IMPG1: variants seen among roughly 807,000 people sequenced by gnomAD.
IMPG1 encodes the protein interphotoreceptor matrix proteoglycan 1.
Under a neutral mutation model 92.0 loss-of-function variants are expected in IMPG1, and 85 were observed. The ratio of observed to expected loss-of-function variants is 0.92; its 90% confidence interval spans 0.78 to 1.11. The LOEUF (loss-of-function observed/expected upper bound fraction) is 1.11. Among genes scored for constraint, IMPG1 ranks in the 50% least tolerant of loss-of-function variants. IMPG1 has a pLI of 0.00. For missense variants in IMPG1, 1,022 were observed against 956.0 expected (o/e 1.07, Z -0.91); for synonymous variants, 367 against 334.1 (o/e 1.10, Z -1.08).
intron 12 of IMPG1, among the ~76,000 whole-genome samples, chr6:75,972,386 G>A (rs1394321950): frequency 1.4e-5 from 2 of 142,522 alleles, no homozygotes; most frequent in African/African-American, 2.6e-5. Context: ...GAACACCCAC[G>A]CCCACCCACC....
chr6:75,934,689 G>T (rs1463888086), intron 14 of IMPG1, among the ~76,000 whole-genome samples: 1 of 152,044 alleles, frequency 6.6e-6, no homozygotes, highest in Non-Finnish European at 1.5e-5. Flanking sequence ...GGTCCCAAGT[G>T]CACTCATGTT....
At chr6:75,935,191 C>A in intron 14 of IMPG1, 1 of 370,536 alleles carries the variant, frequency 2.7e-6, no homozygotes, top group Non-Finnish European at 5.5e-6. Context: ...CTGTGCCTTG[C>A]GCGTTGGTGG....
chr6:76,058,542 C>G (rs1933484), intron 1 of IMPG1, among the ~76,000 whole-genome samples: 1 of 152,202 alleles, frequency 6.6e-6, no homozygotes, highest in South Asian at 2.1e-4. Flanking sequence ...AACAATTTGC[C>G]AACGTAACAA....
At chr6:75,984,440 T>C (rs189262152) in intron 12 of IMPG1, among the ~76,000 whole-genome samples, 1 of 152,204 alleles carries the variant, frequency 6.6e-6, no homozygotes, top group African/African-American at 2.4e-5. Context: ...AAGGACATTA[T>C]GTTAAGGGAA....
chr6:76,071,397 A>G (rs1182925961), intron 1 of IMPG1, among the ~76,000 whole-genome samples: 1 of 150,830 alleles, frequency 6.6e-6, no homozygotes, highest in Non-Finnish European at 1.5e-5. Flanking sequence ...AAATGATTTT[A>G]TAAATGTAAA....
At chr6:76,051,814 A>AT (rs994424435) in intron 1 of IMPG1, among the ~76,000 whole-genome samples, 2 of 152,036 alleles carry the variant, frequency 1.3e-5, no homozygotes, top group African/African-American at 2.4e-5. Context: ...TGGTTGCATT[A>AT]TTTTTTCTCT....
At position 75,947,497 on chromosome 6, in the gene IMPG1, T is replaced by G. The variant is rs181256434; in HGVS notation, c.1861A>C (p.Lys621Gln). 4 of 1,613,738 alleles carry G rather than the reference T, an allele frequency of 2.5e-6. No homozygotes were observed. Among genetic ancestry groups the G allele is most frequent in the Admixed American group, 3.3e-5 (2 of 59,980 alleles). ...CTGAAGTTAAGTATTTCAAGTTGCT[T>G]AAATCCTGTAAGATTGGATCGTAGA... ...PYLRSNLTGF[K>Q]QLEILNFRNG... Residue 621 changes from lysine to glutamine, a missense_variant, in exon 14 of 17, where the codon AAG becomes CAG. Coordinates refer to ENST00000369950, the MANE Select transcript of IMPG1 (RefSeq NM_001563.4).
Position 75,935,337 on chromosome 6 carries a change from G to A in IMPG1, c.2045-4186C>T, listed in dbSNP as rs77519930. ...CGGGGGTAATGTGGTGAAAACTCCT[G>A]GATCATCTTTTCCCATTTCAAAAAG... On this transcript the variant is annotated intron_variant, in intron 14 of 16. Transcript: ENST00000369950. Among the ~76,000 whole-genome samples the A allele has an allele frequency of 5.6e-3, 856 of 152,294 alleles. 6 individuals are homozygous for A. Among genetic ancestry groups the A allele is most frequent in the Non-Finnish European group, 9.6e-3 (656 of 68,016 alleles).
chr6:75,932,597 A>T (rs1370206064), intron 14 of IMPG1, among the ~76,000 whole-genome samples: 3 of 152,208 alleles, frequency 2.0e-5, no homozygotes, highest in Non-Finnish European at 4.4e-5. Context: ...TTTGTAAGCA[A>T]AATTTTCCCT....
At position 75,923,668 on chromosome 6, in the gene IMPG1, C is replaced by T. The variant is rs3778005; in HGVS notation, c.2282G>A (p.Ser761Asn). 0.23 allele frequency: 370,254 copies of T among 1,582,566 alleles called. 47,346 individuals are homozygous for T. Among genetic ancestry groups the T allele is most frequent in the Non-Finnish European group, 0.27 (307,335 of 1,153,524 alleles). ...TTGTTGATTTTGGAACTTTTTAACA[C>T]TAGTTTTGTATGCTTGATTTTCAGA... ...DHSENQAYKTSVKKFQNQQNN... is the reference protein window; with the variant it reads ...DHSENQAYKTNVKKFQNQQNN... Residue 761 changes from serine to asparagine, a missense_variant, in exon 16 of 17, where the codon AGT becomes AAT. Physicochemically the swap from Ser to Asn is conservative, Grantham distance 46. Coordinates refer to ENST00000369950, the MANE Select transcript of IMPG1 (RefSeq NM_001563.4).
chr6:75,943,084 A>T (rs1781860993), intron 14 of IMPG1, among the ~76,000 whole-genome samples: 1 of 152,118 alleles, frequency 6.6e-6, no homozygotes, highest in Non-Finnish European at 1.5e-5. Context: ...CTGGATTGGA[A>T]CAAGGGTTTG....
intron 12 of IMPG1, among the ~76,000 whole-genome samples, chr6:75,974,151 T>C (rs961871446): frequency 1.3e-5 from 2 of 152,186 alleles, no homozygotes; most frequent in African/African-American, 2.4e-5. Context: ...TTTAAGATAA[T>C]GCAAACATTT....
chr6:75,932,340 G>T (rs555884486), intron 14 of IMPG1, among the ~76,000 whole-genome samples: 6 of 152,108 alleles, frequency 3.9e-5, no homozygotes, highest in Non-Finnish European at 7.4e-5. Context: ...CAAAACGAGA[G>T]AATTTATAAC....
chr6:75,946,511 C>T (rs145981783), intron 14 of IMPG1, among the ~76,000 whole-genome samples: 90 of 152,262 alleles, frequency 5.9e-4, no homozygotes, highest in African/African-American at 2.1e-3. Context: ...GACTTTTACC[C>T]CAGGGAATAA....
intron 1 of IMPG1, among the ~76,000 whole-genome samples, chr6:76,042,848 T>C (rs1462926767): frequency 6.6e-6 from 1 of 152,172 alleles, no homozygotes; most frequent in Non-Finnish European, 1.5e-5. Context: ...CTAGACTGCA[T>C]TTTTAACTTT....
In IMPG1 at chr6:75,921,889, G is replaced by GT; in HGVS notation, c.*199dup. On this transcript the variant is annotated 3_prime_UTR_variant, in exon 17 of 17. Transcript: ENST00000369950. ...ATTGCATTTGGGGTTTTAATAATAA[G>GT]TAAGTGTCTTTTTCTTCAGAATTTA... 2.4e-6 allele frequency: 1 copy of GT among 418,462 alleles called. No individual in the cohort carries two copies. The highest frequency in any genetic ancestry group is 4.3e-6 in the Non-Finnish European group (1 of 234,044). 25.9% of individuals were successfully genotyped at this position (418,462 alleles called of 1,614,324 possible). A position where few individuals can be genotyped will look rare whatever the true frequency, so the allele number is the denominator to read the frequency against.
intron 4 of IMPG1, among the ~76,000 whole-genome samples, chr6:76,026,364 T>C (rs1444194981): frequency 1.3e-5 from 2 of 152,206 alleles, no homozygotes; most frequent in East Asian, 3.9e-4. Context: ...CCTCTCGCTG[T>C]TGCTTCTAAG....
At chr6:75,998,603 A>C (rs1782937200) in intron 12 of IMPG1, among the ~76,000 whole-genome samples, 1 of 152,210 alleles carries the variant, frequency 6.6e-6, no homozygotes, top group African/African-American at 2.4e-5. Context: ...TTCTGTCTTA[A>C]ATGGAATATG....
chr6:76,051,943 G>A (rs1784049785), intron 1 of IMPG1, among the ~76,000 whole-genome samples: 1 of 151,524 alleles, frequency 6.6e-6, no homozygotes, highest in South Asian at 2.1e-4. Flanking sequence ...TTCCATACGT[G>A]TACATATGTA....
Sources: gnomAD v4.1 joint callset for allele counts (sites outside exome capture counted in the v4.1 genomes callset) on GRCh38, gnomAD v4.1.1 for gene constraint, MANE v1.5 for transcripts, NCBI Gene and HGNC (gene_info 2026-07-23, HGNC 2026-07-21) for gene names.